The following COG5 variants were observed in gnomAD, a reference collection of about 807,000 sequenced individuals.
COG5 encodes the protein conserved oligomeric Golgi complex subunit 5.
Under a neutral mutation model 110.4 loss-of-function variants are expected in COG5, and 86 were observed. The ratio of observed to expected loss-of-function variants is 0.78; its 90% CI spans 0.65 to 0.93. The LOEUF is 0.93. Among genes scored for constraint, COG5 ranks in the 40% least tolerant of loss-of-function variants. The probability of loss-of-function intolerance (pLI) is 0.00; values close to 1 mark genes in which losing one functional copy is unlikely to be tolerated. For synonymous variants in COG5, 360 were observed against 334.6 expected (o/e 1.08, Z -0.83); for missense variants, 1,077 against 987.0 (o/e 1.09, Z -1.22).
At chr7:107,446,673 T>C (rs757553431) in intron 6 of COG5, among the ~76,000 whole-genome samples, 9 of 152,176 alleles carry the variant, frequency 5.9e-5, no homozygotes, top group Non-Finnish European at 1.2e-4. Context: ...TGCCACATCA[T>C]GCACAGCCCT....
chr7:107,356,331 T>C (rs1011608064), intron 10 of COG5, among the ~76,000 whole-genome samples: 1 of 152,232 alleles, frequency 6.6e-6, no homozygotes, highest in Admixed American at 6.5e-5. Flanking sequence ...TAACTGTTTA[T>C]AATCCATTTT....
chr7:107,479,648 A>G (rs1370914257), intron 6 of COG5, among the ~76,000 whole-genome samples: 2 of 152,168 alleles, frequency 1.3e-5, no homozygotes, highest in Non-Finnish European at 1.5e-5. Context: ...CAATACTCAA[A>G]TAACTATTTA....
At chr7:107,420,097 G>A (rs1157262115) in intron 6 of COG5, among the ~76,000 whole-genome samples, 1 of 152,042 alleles carries the variant, frequency 6.6e-6, no homozygotes, top group African/African-American at 2.4e-5. Flanking sequence ...AGAGAAAACA[G>A]GTACATCTTT....
At chr7:107,398,908 T>G (rs1222551575) in intron 7 of COG5, among the ~76,000 whole-genome samples, 1 of 151,972 alleles carries the variant, frequency 6.6e-6, no homozygotes, top group Non-Finnish European at 1.5e-5. Context: ...CTGTATAAAT[T>G]TACTAAAACT....
At chr7:107,559,812 T>C (rs1189408749) in intron 1 of COG5, among the ~76,000 whole-genome samples, 1 of 152,172 alleles carries the variant, frequency 6.6e-6, no homozygotes, top group Non-Finnish European at 1.5e-5. Flanking sequence ...CAGTGGCAAA[T>C]GCCATGGCAT....
chr7:107,226,483 A>G (rs1800347922), intron 19 of COG5, among the ~76,000 whole-genome samples: 1 of 152,240 alleles, frequency 6.6e-6, no homozygotes. Context: ...GGTTATTAGA[A>G]TAAAGATGGC....
intron 6 of COG5, among the ~76,000 whole-genome samples, chr7:107,499,079 T>C (rs76009012): frequency 7.9e-4 from 120 of 152,150 alleles, no homozygotes; most frequent in Non-Finnish European, 1.5e-3. Flanking sequence ...TCCACTGACA[T>C]AAGGTATCTA....
At chr7:107,538,458 C>T (rs1374565562) in intron 5 of COG5, among the ~76,000 whole-genome samples, 1 of 152,138 alleles carries the variant, frequency 6.6e-6, no homozygotes. Context: ...GAGAGCTCTT[C>T]TCTTTCTTTC....
intron 6 of COG5, among the ~76,000 whole-genome samples, chr7:107,475,894 G>A (rs556539671): frequency 4.0e-5 from 6 of 151,320 alleles, no homozygotes; most frequent in East Asian, 1.9e-4. Context: ...AATTAAGTAC[G>A]TATGAAGCTT....
intron 7 of COG5, among the ~76,000 whole-genome samples, chr7:107,385,544 T>C (rs547939924): frequency 6.6e-6 from 1 of 152,348 alleles, no homozygotes; most frequent in South Asian, 2.1e-4. Context: ...CAGGGAATTC[T>C]GATGTACATT....
chr7:107,367,065 A>C (rs1162464979), intron 8 of COG5, among the ~76,000 whole-genome samples: 2 of 142,090 alleles, frequency 1.4e-5, no homozygotes, highest in Non-Finnish European at 3.0e-5. Flanking sequence ...CTAACATTAC[A>C]ATTGTCACCT....
chr7:107,228,606 T>C (rs990681230), intron 19 of COG5, among the ~76,000 whole-genome samples: 5 of 152,124 alleles, frequency 3.3e-5, no homozygotes, highest in Non-Finnish European at 5.9e-5. Context: ...CAGAACTCTA[T>C]AGCTTCAACA....
At chr7:107,263,275 A>G (rs1305929894) in intron 14 of COG5, among the ~76,000 whole-genome samples, 2 of 152,190 alleles carry the variant, frequency 1.3e-5, no homozygotes, top group African/African-American at 4.8e-5. Context: ...ATTCATCTAC[A>G]TGTTCAGCAA....
chr7:107,372,533 C>G (rs774837975), intron 8 of COG5, 62 bp downstream of exon 8: 2 of 1,512,798 alleles, frequency 1.3e-6, no homozygotes, highest in Non-Finnish European at 1.8e-6. Context: ...GTTTCACATA[C>G]TATTCAAAAG....
At chr7:107,486,323 C>T (rs551905517) in intron 6 of COG5, among the ~76,000 whole-genome samples, 1 of 151,950 alleles carries the variant, frequency 6.6e-6, no homozygotes, top group East Asian at 1.9e-4. Context: ...TTTCCATTTC[C>T]ATTTACCTAA....
chr7:107,443,020 C>T (rs1794813693), intron 6 of COG5, among the ~76,000 whole-genome samples: 1 of 152,086 alleles, frequency 6.6e-6, no homozygotes, highest in Non-Finnish European at 1.5e-5. Flanking sequence ...TGTTATATCT[C>T]TCAAATTGTA....
intron 10 of COG5, among the ~76,000 whole-genome samples, chr7:107,334,334 C>T (rs1218155203): frequency 6.6e-6 from 1 of 151,916 alleles, no homozygotes; most frequent in African/African-American, 2.4e-5. Flanking sequence ...CACTCATAAG[C>T]AGAAGCTAAA....
intron 19 of COG5, among the ~76,000 whole-genome samples, chr7:107,219,654 C>A (rs1457347162): frequency 1.3e-5 from 2 of 151,956 alleles, no homozygotes; most frequent in African/African-American, 4.8e-5. Flanking sequence ...AGGCAGAGAA[C>A]AGAATGGTAG....
chr7:107,420,712 C>T (rs983170029), intron 6 of COG5, among the ~76,000 whole-genome samples: 10 of 152,206 alleles, frequency 6.6e-5, no homozygotes, highest in South Asian at 2.1e-4. Flanking sequence ...CCACCCGCCT[C>T]GGCATCCCAA....
Sources: allele counts gnomAD v4.1 joint callset (sites outside exome capture counted in the v4.1 genomes callset), GRCh38; gene constraint gnomAD v4.1.1; transcripts MANE v1.5; gene names NCBI Gene and HGNC (gene_info 2026-07-23, HGNC 2026-07-21).